The following PTPRD variants were observed in gnomAD, a reference collection of about 807,000 sequenced individuals.
PTPRD encodes the protein protein tyrosine phosphatase receptor type D.
PTPRD carries 34 observed loss-of-function variants against 214.5 expected under a neutral mutation model. The ratio of observed to expected loss-of-function variants is 0.16; its 90% CI spans 0.12 to 0.21. The LOEUF is 0.21. Ranked by LOEUF, PTPRD falls within the 10% of genes least tolerant of loss-of-function variation. The probability of loss-of-function intolerance (pLI) is 1.00; values close to 1 mark genes in which losing one functional copy is unlikely to be tolerated. For missense variants in PTPRD, 2,545 were observed against 2,398.7 expected, an observed-to-expected ratio of 1.06 and a Z score of -1.27; for synonymous variants, 1,128 against 845.7, an observed-to-expected ratio of 1.33 and a Z score of -5.79.
chr9:8,332,307 G>A (rs16927547), intron 43 of PTPRD, among the ~76,000 whole-genome samples: 19,547 of 152,064 alleles, frequency 0.13, 1,774 homozygotes, highest in East Asian at 0.35. Flanking sequence ...ACACAAACCC[G>A]GTAGTTGCTG....
chr9:8,518,250 C>T lies in PTPRD; in HGVS notation c.1141G>A (p.Ala381Thr), dbSNP rs2097821972. 5 of 1,614,020 alleles carry T rather than the reference C, an allele frequency of 3.1e-6. No homozygotes were observed. The highest frequency in any genetic ancestry group is 2.5e-6 in the Non-Finnish European group (3 of 1,180,012). The change falls in exon 21 of 46, where the codon GCT becomes ACT. Residue 381 changes from alanine (A) to threonine (T), a missense_variant. Coordinates refer to ENST00000381196, the MANE Select transcript of PTPRD (RefSeq NM_002839.4). The part of the protein sequence containing the change: ...DGVATTRYSV[A>T]GLSPYSDYEF... ...TAATCCGAGTAGGGACTTAGTCCAG[C>T]GACACTGTAGCGTGTGGTCGCCACC...
At chr9:9,199,260 G>C (rs2099940480) in intron 9 of PTPRD, among the ~76,000 whole-genome samples, 1 of 152,130 alleles carries the variant, frequency 6.6e-6, no homozygotes. Context: ...TTATTGCTGG[G>C]ATAAAGATTT....
chr9:8,960,261 T>G (rs2099151982), intron 11 of PTPRD, among the ~76,000 whole-genome samples: 2 of 152,070 alleles, frequency 1.3e-5, no homozygotes, highest in Admixed American at 1.3e-4. Context: ...AGGCAAACAC[T>G]GAGAAATATT....
chr9:9,982,726 C>T (rs2095586403), intron 4 of PTPRD, among the ~76,000 whole-genome samples: 1 of 151,626 alleles, frequency 6.6e-6, no homozygotes, highest in Admixed American at 6.6e-5. Context: ...CTGTTAAGGT[C>T]TCAGAGCAAA....
intron 7 of PTPRD, among the ~76,000 whole-genome samples, chr9:9,578,571 A>G (rs1238552531): frequency 6.6e-6 from 1 of 152,120 alleles, no homozygotes; most frequent in Non-Finnish European, 1.5e-5. Context: ...AATTATAAAT[A>G]CTTCAAAATG....
At chr9:8,596,699 C>T (rs935107200) in intron 14 of PTPRD, among the ~76,000 whole-genome samples, 1 of 152,062 alleles carries the variant, frequency 6.6e-6, no homozygotes, top group African/African-American at 2.4e-5. Context: ...TATTTAGACA[C>T]ATAAACTACA....
intron 3 of PTPRD, among the ~76,000 whole-genome samples, chr9:10,140,151 G>A (rs553856188): frequency 1.8e-4 from 28 of 151,886 alleles, no homozygotes; most frequent in Non-Finnish European, 3.8e-4. Context: ...TGCAGAATGG[G>A]AGAAAATATT....
At chr9:10,443,613 A>AT (rs990541041) in intron 2 of PTPRD, among the ~76,000 whole-genome samples, 4 of 151,460 alleles carry the variant, frequency 2.6e-5, no homozygotes, top group East Asian at 1.9e-4. Flanking sequence ...TGCCTCATAG[A>AT]TTTTTTTTCT....
chr9:8,778,616 C>T (rs2095575208), intron 11 of PTPRD, among the ~76,000 whole-genome samples: 1 of 152,148 alleles, frequency 6.6e-6, no homozygotes, highest in Admixed American at 6.5e-5. Flanking sequence ...TTGAGGAAAG[C>T]ACCTTCTACT....
rs544563033 is a variant in PTPRD, at chr9:9,293,334, T to C, written c.-203+104115A>G. Among the ~76,000 whole-genome samples the C allele has an allele frequency of 2.6e-5, 4 of 151,482 alleles. No individual in the cohort carries two copies. In the South Asian group the frequency reaches 6.2e-4, roughly 24 times the overall value. On this transcript the variant is annotated intron_variant, in intron 9 of 45. Coordinates refer to ENST00000381196, the MANE Select transcript of PTPRD (RefSeq NM_002839.4). ...TGTTCCAGATTTGGCCATTGGGAGCTCTTTCAGTTCTCTCCTATATTCCTT... is the reference window on the plus strand; with the variant it reads ...TGTTCCAGATTTGGCCATTGGGAGCCCTTTCAGTTCTCTCCTATATTCCTT...
intron 45 of PTPRD, 85 bp from the exon 46 acceptor site, chr9:8,318,027 CA>C (rs1823178248): frequency 2.4e-6 from 3 of 1,270,074 alleles, no homozygotes; most frequent in Non-Finnish European, 3.3e-6. Flanking sequence ...TATTGCATAA[CA>C]AAATAACATC....
intron 3 of PTPRD, among the ~76,000 whole-genome samples, chr9:10,264,550 G>C (rs965559150): frequency 6.6e-6 from 1 of 152,134 alleles, no homozygotes; most frequent in Non-Finnish European, 1.5e-5. Flanking sequence ...CTCCCATTTG[G>C]AACAGCTGTA....
At chr9:8,704,940 A>C (rs1357255022) in intron 12 of PTPRD, among the ~76,000 whole-genome samples, 1 of 151,854 alleles carries the variant, frequency 6.6e-6, no homozygotes, top group Non-Finnish European at 1.5e-5. Flanking sequence ...AAAATAAATA[A>C]ATAAAAAGAA....
At chr9:9,745,109 A>G (rs566242103) in intron 6 of PTPRD, among the ~76,000 whole-genome samples, 2 of 152,212 alleles carry the variant, frequency 1.3e-5, no homozygotes, top group South Asian at 4.1e-4. Flanking sequence ...TAATTATTAA[A>G]AATTATAATT....
chr9:8,462,127 C>A (rs1324089122), intron 32 of PTPRD, among the ~76,000 whole-genome samples: 3 of 151,998 alleles, frequency 2.0e-5, no homozygotes, highest in Non-Finnish European at 4.4e-5. Flanking sequence ...TTTCTAGAGA[C>A]CCCTACATAT....
At chr9:8,862,565 C>G (rs903401737) in intron 11 of PTPRD, among the ~76,000 whole-genome samples, 3 of 152,192 alleles carry the variant, frequency 2.0e-5, no homozygotes, top group Non-Finnish European at 4.4e-5. Context: ...TTGAAATCAC[C>G]TGTTCTGATT....
chr9:9,553,324 TTAA>T (rs2080778814), intron 8 of PTPRD, among the ~76,000 whole-genome samples: 1 of 152,084 alleles, frequency 6.6e-6, no homozygotes, highest in Admixed American at 6.6e-5. Context: ...TAATTTCTTA[TTAA>T]TAATATTCAT....
intron 8 of PTPRD, among the ~76,000 whole-genome samples, chr9:9,520,428 T>C (rs1346089459): frequency 6.6e-6 from 1 of 151,896 alleles, no homozygotes. Flanking sequence ...GTTAATAACA[T>C]ATGGAAAATA....
chr9:10,034,250 A>C (rs1445064199), intron 3 of PTPRD, among the ~76,000 whole-genome samples: 1 of 152,056 alleles, frequency 6.6e-6, no homozygotes, highest in Non-Finnish European at 1.5e-5. Flanking sequence ...TTCAATTCAC[A>C]AAGAAAGTTA....
Sources: allele counts gnomAD v4.1 joint callset (sites outside exome capture counted in the v4.1 genomes callset), GRCh38; gene constraint gnomAD v4.1.1; transcripts MANE v1.5; gene names NCBI Gene and HGNC (gene_info 2026-07-23, HGNC 2026-07-21).